VPS28: variants seen among roughly 807,000 people sequenced by gnomAD.
The protein encoded by VPS28 is vacuolar protein sorting-associated protein 28 homolog.
VPS28 carries 29 observed loss-of-function variants against 33.7 expected under a neutral mutation model. That is an observed-to-expected ratio of 0.86 (90% CI 0.64 to 1.17). The LOEUF (loss-of-function observed/expected upper bound fraction) is 1.17, where lower values mean the gene tolerates loss of function less well. Among genes scored for constraint, VPS28 ranks in the 50% most tolerant of loss-of-function variants. The pLI is 0.00. For missense variants in VPS28, 247 were observed against 312.2 expected (o/e 0.79, Z 1.57); for synonymous variants, 164 against 116.7 (o/e 1.40, Z -2.61).
At chr8:144,425,108 AC>A in intron 5 of VPS28, 57 bp from the exon 6 acceptor site, 1 of 1,481,278 alleles carries the variant, frequency 6.8e-7, no homozygotes, top group South Asian at 1.2e-5. Context: ...AGCTCATCCT[AC>A]CCCCTCGGCT....
chr8:144,423,629 G>A lies in VPS28; in HGVS notation c.*176C>T. On this transcript the variant is annotated 3_prime_UTR_variant, in exon 10 of 10. Coordinates refer to ENST00000292510, the MANE Select transcript of VPS28 (RefSeq NM_016208.4). ...GCCACCCAAGCAGGAAGGTCGGAGAGCATCTTTATTGTGGGGAGGGGCCCG... is the reference window on the plus strand; with the variant it reads ...GCCACCCAAGCAGGAAGGTCGGAGAACATCTTTATTGTGGGGAGGGGCCCG... 1.3e-6 allele frequency: 1 copy of A among 783,322 alleles called. No individual in the cohort carries two copies. The highest frequency in any genetic ancestry group is 1.7e-5 in the African/African-American group (1 of 58,072). The allele number at this position is 783,322 out of a possible 1,614,324, so 48.5% of individuals were successfully genotyped here.
chr8:144,424,878 G>A (rs1030801812), intron 6 of VPS28, 59 bp from the exon 7 acceptor site: 14 of 1,612,110 alleles, frequency 8.7e-6, no homozygotes, highest in Non-Finnish European at 1.1e-5. Flanking sequence ...GGTGGCCAGA[G>A]CCCTCTGGCA....
intron 5 of VPS28, chr8:144,425,452 G>A (rs1822664978): frequency 1.7e-6 from 1 of 589,124 alleles, no homozygotes; most frequent in South Asian, 2.1e-5. Context: ...CTGTGCTGGG[G>A]GATGAGGGTG....
At position 144,424,785 on chromosome 8, in the gene VPS28, T is replaced by A; in HGVS notation, c.335A>T (p.Glu112Val). The part of the protein sequence containing the change: ...DCPLAMERIK[E>V]DRPITIKDDK... ...GTCCTTGATGGTGATGGGCCGGTCC[T>A]CCTTGATCCGCTCCATGGCCAGCGG... is the stretch of plus-strand genomic sequence containing the variant. The change falls in exon 7 of 10, where the codon GAG becomes GTG. Residue 112 changes from glutamate to valine, a missense_variant. Physicochemically the swap from Glu to Val is moderately radical, Grantham distance 121 (BLOSUM62 -2). Transcript: ENST00000292510. The A allele has an allele frequency of 6.2e-7, 1 of 1,613,674 alleles. No individual in the cohort carries two copies. The highest frequency in any genetic ancestry group is 8.5e-7 in the Non-Finnish European group (1 of 1,179,980).
rs782124716 is a variant in VPS28 at position 144,424,210 on chromosome 8, C to A, written c.456+5G>T. 11 of 1,597,252 alleles carry A rather than the reference C, an allele frequency of 6.9e-6. No homozygotes were observed. The East Asian group carries it at 2.5e-4, about 36-fold the overall frequency. ...CTAGGCCCCCTGCCAGCCCAATACCCGCACCTCATCCATGGCGCGGATCTC... is the reference window on the plus strand; with the variant it reads ...CTAGGCCCCCTGCCAGCCCAATACCAGCACCTCATCCATGGCGCGGATCTC... On this transcript the variant is annotated splice_donor_5th_base_variant and intron_variant, in intron 8 of 9. Coordinates refer to ENST00000292510, the MANE Select transcript of VPS28 (RefSeq NM_016208.4).
At chr8:144,427,930 G>A (rs1822906441) in intron 1 of VPS28, among the ~76,000 whole-genome samples, 1 of 152,186 alleles carries the variant, frequency 6.6e-6, no homozygotes, top group African/African-American at 2.4e-5. Context: ...GAGCGGGCCT[G>A]GCGGGCAGGC....
intron 2 of VPS28, chr8:144,426,541 CCA>C (rs1822761436): frequency 1.2e-5 from 5 of 433,746 alleles, no homozygotes; most frequent in African/African-American, 2.1e-5. Context: ...CCCAGCTCCA[CCA>C]TGGCTCCCTG....
chr8:144,426,007 C>G lies in VPS28; in HGVS notation c.104+19G>C, dbSNP rs782590350. 41 of 1,501,152 alleles carry G rather than the reference C, an allele frequency of 2.7e-5. No homozygotes were observed. The highest frequency in any genetic ancestry group is 3.5e-5 in the Non-Finnish European group (39 of 1,116,662). 93.0% of individuals were successfully genotyped at this position (1,501,152 alleles called of 1,614,324 possible). A position where few individuals can be genotyped will look rare whatever the true frequency, so the allele number is the denominator to read the frequency against. ...GATGCGCATGGGTGTGTTGGGACAG[C>G]CTGGGCGCCTGGACTTACTTCTCCC... On this transcript the variant is annotated intron_variant, in intron 4 of 9. Transcript: ENST00000292510.
In VPS28 at chr8:144,427,075, G is replaced by A. The variant is rs575512863; in HGVS notation, c.-34-96C>T. 3.6e-5 allele frequency: 32 copies of A among 883,954 alleles called. No homozygotes were observed. In the South Asian group the frequency reaches 4.6e-4, roughly 13 times the overall value. 54.8% of individuals were successfully genotyped at this position (883,954 alleles called of 1,614,324 possible). A position where few individuals can be genotyped will look rare whatever the true frequency, so the allele number is the denominator to read the frequency against. On this transcript the variant is annotated intron_variant, in intron 1 of 9. Coordinates refer to ENST00000292510, the MANE Select transcript of VPS28 (RefSeq NM_016208.4). ...AGCACTTTGGGAGGCCGAGGTGAGC[G>A]GATCACCTGAGGTCAGGAGTTTGAG...
chr8:144,424,694 C>T (rs782032668), intron 7 of VPS28, 24 bp downstream of exon 7: 18 of 1,607,432 alleles, frequency 1.1e-5, no homozygotes, highest in African/African-American at 2.7e-5. Flanking sequence ...CTCCTAACCA[C>T]GTGCCCTGGG....
chr8:144,424,296 G>GC (rs1822568622), intron 7 of VPS28, 28 bp from the exon 8 acceptor site: 2 of 1,569,116 alleles, frequency 1.3e-6, no homozygotes, highest in African/African-American at 1.4e-5. Flanking sequence ...CATGAGGCTC[G>GC]CGTGTCCACG....
In VPS28 at chr8:144,426,699, T is replaced by G. The variant is rs78014331; in HGVS notation, c.37+210A>C. The G allele has an allele frequency of 1.3e-3, 733 of 572,850 alleles. 11 individuals carry two copies. In the East Asian group the frequency reaches 0.022, roughly 17 times the overall value. 35.5% of individuals were successfully genotyped at this position (572,850 alleles called of 1,614,324 possible). On this transcript the variant is annotated intron_variant, in intron 2 of 9. Coordinates refer to ENST00000292510, the MANE Select transcript of VPS28 (RefSeq NM_016208.4). ...ACCGTTCTGGCCACACCGAAGCTCATCATCTCTGCCCAGCAGGACCAAGCC... is the reference window on the plus strand; with the variant it reads ...ACCGTTCTGGCCACACCGAAGCTCAGCATCTCTGCCCAGCAGGACCAAGCC...
chr8:144,426,167 AC>A lies in VPS28; in HGVS notation c.66+12del. ...GTTGGCCAATGCCGGCCGGGTGGGCACCCACCACTCACCTCATACAGCTCCG... is the reference window on the plus strand; with the variant it reads ...GTTGGCCAATGCCGGCCGGGTGGGCACCACCACTCACCTCATACAGCTCCG... On this transcript the variant is annotated intron_variant, in intron 3 of 9. Coordinates refer to ENST00000292510, the MANE Select transcript of VPS28 (RefSeq NM_016208.4). 1.2e-6 allele frequency: 2 copies of A among 1,605,514 alleles called. No individual in the cohort carries two copies. Among genetic ancestry groups the A allele is most frequent in the Non-Finnish European group, 1.7e-6 (2 of 1,176,386 alleles).
chr8:144,424,301 T>C, intron 7 of VPS28, 33 bp from the exon 8 acceptor site: 1 of 1,559,256 alleles, frequency 6.4e-7, no homozygotes, highest in Non-Finnish European at 8.7e-7. Context: ...GGCTCGCGTG[T>C]CCACGGGTGC....
Position 144,426,892 on chromosome 8 carries a change from C to A in VPS28, c.37+17G>T, listed in dbSNP as rs1554876936. Reference sequence around the variant, plus strand: ...GCAGAAGCGGCTGAAAGCCTGCGCCCTTCCAGCCACACTCACCTCCTATGC... The same window carrying A: ...GCAGAAGCGGCTGAAAGCCTGCGCCATTCCAGCCACACTCACCTCCTATGC... On this transcript the variant is annotated intron_variant, in intron 2 of 9. Coordinates refer to ENST00000292510, the MANE Select transcript of VPS28 (RefSeq NM_016208.4). 6.2e-7 allele frequency: 1 copy of A among 1,612,172 alleles called. No homozygotes were observed. The highest frequency in any genetic ancestry group is 1.3e-5 in the African/African-American group (1 of 74,912).
At chr8:144,425,260 C>T (rs1469273340) in intron 5 of VPS28, 3 of 599,056 alleles carry the variant, frequency 5.0e-6, no homozygotes, top group Non-Finnish European at 5.9e-6. Context: ...CAGGTGGAGA[C>T]CCCGGCCCCC....
At position 144,426,982 on chromosome 8, in the gene VPS28, G is replaced by C; in HGVS notation, c.-34-3C>G. 5.0e-6 allele frequency: 8 copies of C among 1,609,378 alleles called. No homozygotes were observed. The highest frequency in any genetic ancestry group is 6.8e-6 in the Non-Finnish European group (8 of 1,178,154). ...TGGGGGGGGCACAGCACTGAGACCT[G>C]GGGAGCAGAGCCAGGGCCGACTCAA... On this transcript the variant is annotated splice_polypyrimidine_tract_variant and splice_region_variant and intron_variant, in intron 1 of 9. Coordinates refer to ENST00000292510, the MANE Select transcript of VPS28 (RefSeq NM_016208.4).
rs1554876510 is a variant in VPS28, at chr8:144,425,690, G to C, written c.187C>G (p.Pro63Ala). 1 of 1,613,798 alleles carries C rather than the reference G, an allele frequency of 6.2e-7. No individual in the cohort carries two copies. The highest frequency in any genetic ancestry group is 1.3e-5 in the African/African-American group (1 of 75,044). ...EKAYIKDCVS[P>A]SEYTAACSRL... is the part of the protein sequence containing the mutation. ...CAGGACGTGGGCTCTTACTCGCTGG[G>C]GGAGACACAGTCCTTGATGTAGGCC... Residue 63 changes from proline (P) to alanine (A), a missense_variant, in exon 5 of 10, where the codon CCC becomes GCC. By Grantham distance (27) the Pro-to-Ala change is conservative. Transcript: ENST00000292510.
At chr8:144,426,632 C>A in intron 2 of VPS28, 2 of 495,358 alleles carry the variant, frequency 4.0e-6, no homozygotes, top group South Asian at 4.8e-5. Context: ...CCACACACAG[C>A]CTCTCCCCTG....
Sources: gnomAD v4.1 joint callset for allele counts (sites outside exome capture counted in the v4.1 genomes callset) on GRCh38, gnomAD v4.1.1 for gene constraint, MANE v1.5 for transcripts, NCBI Gene and HGNC (gene_info 2026-07-23, HGNC 2026-07-21) for gene names.